The following MIB1 variants were observed in gnomAD, a reference collection of about 807,000 sequenced individuals.
MIB1 encodes the protein MIB E3 ubiquitin protein ligase 1, also known as E3 ubiquitin-protein ligase MIB1.
A neutral mutation model predicts 124.5 loss-of-function variants in MIB1; 278 were observed. The ratio of observed to expected loss-of-function variants is 2.23; its 90% CI spans 2.02 to 2.47. The LOEUF (loss-of-function observed/expected upper bound fraction) is 2.47, where lower values mean the gene tolerates loss of function less well. Ranked by LOEUF, MIB1 falls within the 30% of genes most tolerant of loss-of-function variation. MIB1 has a pLI of 0.00. For missense variants in MIB1, 957 were observed against 1,254.4 expected (o/e 0.76, Z 3.58); for synonymous variants, 446 against 429.4 (o/e 1.04, Z -0.48).
At chr18:21,736,203 C>T (rs2040796311), upstream of MIB1, among the ~76,000 whole-genome samples, 1 of 152,230 alleles carries the variant, frequency 6.6e-6, no homozygotes, top group Admixed American at 6.5e-5. Flanking sequence ...CTTTGCTGTT[C>T]TGCAGCCTCT....
At chr18:21,748,433 C>G (rs1168727876) in intron 1 of MIB1, among the ~76,000 whole-genome samples, 1 of 135,936 alleles carries the variant, frequency 7.4e-6, no homozygotes, top group Non-Finnish European at 1.6e-5. Flanking sequence ...CCCCTTCTCC[C>G]TTTCTCTTCT....
intron 7 of MIB1, among the ~76,000 whole-genome samples, chr18:21,792,497 C>T (rs1393301684): frequency 6.6e-6 from 1 of 152,168 alleles, no homozygotes; most frequent in South Asian, 2.1e-4. Flanking sequence ...CTCCATTAGC[C>T]CTTCTGTCCT....
intron 9 of MIB1, among the ~76,000 whole-genome samples, chr18:21,803,089 G>T (rs2146458453): frequency 6.6e-6 from 1 of 152,300 alleles, no homozygotes; most frequent in African/African-American, 2.4e-5. Flanking sequence ...TCTAAAGTCA[G>T]ATAATGCTTT....
intron 1 of MIB1, among the ~76,000 whole-genome samples, chr18:21,748,895 G>T (rs2040943067): frequency 6.6e-6 from 1 of 151,710 alleles, no homozygotes; most frequent in Admixed American, 6.6e-5. Flanking sequence ...ACCAAGCCTG[G>T]CTAATTTTTT....
chr18:21,840,262 A>T (rs1199817676), intron 13 of MIB1, among the ~76,000 whole-genome samples: 1 of 152,158 alleles, frequency 6.6e-6, no homozygotes, highest in African/African-American at 2.4e-5. Flanking sequence ...AGAACCACAC[A>T]TATGTATAAA....
At chr18:21,861,583 C>T (rs1349284453) in intron 20 of MIB1, among the ~76,000 whole-genome samples, 1 of 149,500 alleles carries the variant, frequency 6.7e-6, no homozygotes, top group Non-Finnish European at 1.5e-5. Flanking sequence ...AGTATTTAAA[C>T]AGTTTTATCA....
intron 16 of MIB1, among the ~76,000 whole-genome samples, chr18:21,848,319 A>G (rs1403235314): frequency 6.6e-6 from 1 of 152,006 alleles, no homozygotes; most frequent in South Asian, 2.1e-4. Flanking sequence ...AGCTGGGCGC[A>G]TGCCTATAAT....
rs1169142968 is a variant in MIB1 at position 21,868,361 on chromosome 18, GATCTAAGGTCATGGTAAAC to G, written c.*3698_*3716del. 2 of 152,472 alleles carry G rather than the reference GATCTAAGGTCATGGTAAAC, an allele frequency of 1.3e-5. No homozygotes were observed. Among genetic ancestry groups the G allele is most frequent in the African/African-American group, 4.8e-5 (2 of 41,430 alleles). 9.4% of individuals were successfully genotyped at this position (152,472 alleles called of 1,614,324 possible). Reference sequence around the variant, plus strand: ...ATTCTTTAGTTGTTTGTGTTTGCAAGATCTAAGGTCATGGTAAACATTAAGTTCTTAAAATTTTTGGGAG... The same window carrying G: ...ATTCTTTAGTTGTTTGTGTTTGCAAGATTAAGTTCTTAAAATTTTTGGGAG... On this transcript the variant is annotated 3_prime_UTR_variant, in exon 21 of 21. Coordinates refer to ENST00000261537, the MANE Select transcript of MIB1 (RefSeq NM_020774.4).
chr18:21,758,759 G>A lies in MIB1; in HGVS notation c.230-7013G>A, dbSNP rs547904108. Among the ~76,000 whole-genome samples the A allele has an allele frequency of 3.1e-4, 47 of 152,048 alleles. No individual in the cohort carries two copies. The South Asian group carries it at 7.7e-3, about 25-fold the overall frequency. On this transcript the variant is annotated intron_variant, in intron 1 of 20. Coordinates refer to ENST00000261537, the MANE Select transcript of MIB1 (RefSeq NM_020774.4). ...TATGTTGGCCAGACTGGTCTTGAAC[G>A]CCTGACCTCGTGATCCACCCGCCTC... is the stretch of plus-strand genomic sequence containing the variant.
At chr18:21,820,957 A>G (rs2041872633) in intron 12 of MIB1, among the ~76,000 whole-genome samples, 1 of 152,246 alleles carries the variant, frequency 6.6e-6, no homozygotes, top group Non-Finnish European at 1.5e-5. Context: ...AGACCAAAAC[A>G]CATGGGCAGT....
intron 1 of MIB1, among the ~76,000 whole-genome samples, chr18:21,735,719 CG>C (rs2040793806): frequency 6.6e-6 from 1 of 152,076 alleles, no homozygotes; most frequent in African/African-American, 2.4e-5. Flanking sequence ...CTGAGGCTTG[CG>C]TAGGCAGTTT....
intron 9 of MIB1, among the ~76,000 whole-genome samples, chr18:21,802,262 A>T (rs187588638): frequency 6.6e-6 from 1 of 151,926 alleles, no homozygotes. Context: ...TTTTTCATCT[A>T]TTGCTTTAGG....
At chr18:21,761,784 T>G (rs2041100328) in intron 1 of MIB1, among the ~76,000 whole-genome samples, 3 of 152,170 alleles carry the variant, frequency 2.0e-5, no homozygotes, top group Admixed American at 6.5e-5. Flanking sequence ...CACCGGGAGC[T>G]CTGAGCCAAT....
intron 6 of MIB1, among the ~76,000 whole-genome samples, chr18:21,789,988 G>A (rs564306700): frequency 1.3e-5 from 2 of 152,212 alleles, no homozygotes; most frequent in South Asian, 2.1e-4. Context: ...TCTATTTGAT[G>A]GAATATTAAG....
Position 21,867,708 on chromosome 18 carries a change from A to G in MIB1, c.*3042A>G, listed in dbSNP as rs1690243479. 6.6e-6 allele frequency: 1 copy of G among 152,600 alleles called. No individual in the cohort carries two copies. The highest frequency in any genetic ancestry group is 2.4e-5 in the African/African-American group (1 of 41,462). The allele number at this position is 152,600 out of a possible 1,614,324, so 9.5% of individuals were successfully genotyped here. A position where few individuals can be genotyped will look rare whatever the true frequency, so the allele number is the denominator to read the frequency against. Reference sequence around the variant, plus strand: ...TGTTAGCCTGTAAGAGCATTTTAGCATATTGAAATGCATGCTGCTTAAGAT... The same window carrying G: ...TGTTAGCCTGTAAGAGCATTTTAGCGTATTGAAATGCATGCTGCTTAAGAT... On this transcript the variant is annotated 3_prime_UTR_variant, in exon 21 of 21. Transcript: ENST00000261537.
chr18:21,769,931 T>C (rs1452350890), intron 3 of MIB1, among the ~76,000 whole-genome samples: 1 of 152,192 alleles, frequency 6.6e-6, no homozygotes, highest in Non-Finnish European at 1.5e-5. Flanking sequence ...GGGCCAGGCA[T>C]GGTGGCTCAC....
chr18:21,859,994 G>A (rs2042261673), intron 20 of MIB1, among the ~76,000 whole-genome samples: 1 of 150,480 alleles, frequency 6.6e-6, no homozygotes, highest in Admixed American at 6.6e-5. Flanking sequence ...AGTCATCAGT[G>A]GGGGATACAT....
At chr18:21,787,665 G>T (rs908820338) in intron 6 of MIB1, among the ~76,000 whole-genome samples, 1 of 152,090 alleles carries the variant, frequency 6.6e-6, no homozygotes, top group East Asian at 1.9e-4. Context: ...TTTATTATCT[G>T]CTTGGCGTTT....
chr18:21,814,446 G>C (rs1408927117), intron 10 of MIB1, among the ~76,000 whole-genome samples: 1 of 151,190 alleles, frequency 6.6e-6, no homozygotes, highest in African/African-American at 2.4e-5. Flanking sequence ...GGACGTGCAC[G>C]GTGGCTCACA....
Sources: gnomAD v4.1 joint callset for allele counts (sites outside exome capture counted in the v4.1 genomes callset) on GRCh38, gnomAD v4.1.1 for gene constraint, MANE v1.5 for transcripts, NCBI Gene and HGNC (gene_info 2026-07-23, HGNC 2026-07-21) for gene names.